Variants in ERC2 observed in about 807,000 individuals in gnomAD.
ERC2 encodes ERC protein 2.
A neutral mutation model predicts 114.8 loss-of-function variants in ERC2; 42 were observed. That is an observed-to-expected ratio of 0.37 (90% CI 0.29 to 0.47). The LOEUF is 0.47. Ranked by LOEUF, ERC2 falls within the 20% of genes least tolerant of loss-of-function variation. ERC2 has a pLI of 0.99. For missense variants in ERC2, 939 were observed against 1,150.7 expected (o/e 0.82, Z 2.66); for synonymous variants, 454 against 425.5 (o/e 1.07, Z -0.82).
chr3:56,085,884 G>A (rs1276779574), intron 6 of ERC2, among the ~76,000 whole-genome samples: 7 of 152,224 alleles, frequency 4.6e-5, no homozygotes, highest in African/African-American at 1.4e-4. Flanking sequence ...CATTTGCCCT[G>A]CATCCTACCT....
chr3:55,661,350 C>T (rs548015664), intron 17 of ERC2, among the ~76,000 whole-genome samples: 21 of 152,280 alleles, frequency 1.4e-4, no homozygotes, highest in African/African-American at 5.1e-4. Flanking sequence ...GTGGGACTTT[C>T]CTGGCTGGCA....
At chr3:56,354,007 G>T (rs1201877126) in intron 2 of ERC2, among the ~76,000 whole-genome samples, 2 of 152,104 alleles carry the variant, frequency 1.3e-5, no homozygotes, top group Non-Finnish European at 1.5e-5. Flanking sequence ...CCCAAAGTCA[G>T]ATAGCTAATA....
chr3:55,672,913 C>T (rs535421547), intron 17 of ERC2, among the ~76,000 whole-genome samples: 12 of 152,222 alleles, frequency 7.9e-5, no homozygotes, highest in South Asian at 2.1e-4. Flanking sequence ...CTCAACAGTC[C>T]GGGCTCCATC....
intron 2 of ERC2, among the ~76,000 whole-genome samples, chr3:56,373,278 C>T (rs1294669642): frequency 1.3e-5 from 2 of 152,126 alleles, no homozygotes; most frequent in East Asian, 3.8e-4. Flanking sequence ...GGCCGATATT[C>T]ACCAAAAAAA....
chr3:55,556,080 G>A (rs1426307111), intron 17 of ERC2, among the ~76,000 whole-genome samples: 1 of 152,112 alleles, frequency 6.6e-6, no homozygotes, highest in Non-Finnish European at 1.5e-5. Context: ...GAGGATGGAA[G>A]CCCTCCCTTG....
chr3:55,572,631 G>T (rs778970648), intron 17 of ERC2, among the ~76,000 whole-genome samples: 2 of 152,204 alleles, frequency 1.3e-5, no homozygotes, highest in Non-Finnish European at 2.9e-5. Flanking sequence ...CCCATTTTCA[G>T]ATGGGAACAC....
intron 14 of ERC2, among the ~76,000 whole-genome samples, chr3:55,822,113 G>A (rs974959765): frequency 1.3e-5 from 2 of 152,060 alleles, no homozygotes; most frequent in Admixed American, 6.5e-5. Flanking sequence ...TCATTAAGTA[G>A]CTGGGCATTT....
intron 15 of ERC2, among the ~76,000 whole-genome samples, chr3:55,700,429 T>A (rs1327394049): frequency 6.6e-6 from 1 of 152,206 alleles, no homozygotes; most frequent in African/African-American, 2.4e-5. Context: ...GAGTAAACTA[T>A]TTATAAACCT....
At chr3:56,031,212 G>A (rs1420237360) in intron 7 of ERC2, among the ~76,000 whole-genome samples, 3 of 152,180 alleles carry the variant, frequency 2.0e-5, no homozygotes, top group African/African-American at 7.2e-5. Context: ...CAAGCTTTTG[G>A]TCTGCACCCA....
At chr3:56,002,426 AC>A (rs2072145542) in intron 10 of ERC2, among the ~76,000 whole-genome samples, 1 of 152,180 alleles carries the variant, frequency 6.6e-6, no homozygotes, top group Non-Finnish European at 1.5e-5. Context: ...AGTTTAAAAA[AC>A]AAACTGCTTC....
Position 56,148,574 on chromosome 3 carries a change from C to T in ERC2, c.1305+403G>A, listed in dbSNP as rs113001686. Among the ~76,000 whole-genome samples, 640 of 152,268 alleles carry T rather than the reference C, an allele frequency of 4.2e-3. 6 individuals are homozygous for T. The highest frequency in any genetic ancestry group is 0.015 in the African/African-American group (619 of 41,556). ...CCTAATAACATTTAAATGAGTTAAA[C>T]TGGCTTGTAATCACAAATATTTTGA... On this transcript the variant is annotated intron_variant, in intron 5 of 17. Coordinates refer to ENST00000288221, the MANE Select transcript of ERC2 (RefSeq NM_015576.3).
At chr3:56,300,280 C>CA (rs200816892) in intron 2 of ERC2, among the ~76,000 whole-genome samples, 2,039 of 93,184 alleles carry the variant, frequency 0.022, 78 homozygotes, top group East Asian at 0.21. Flanking sequence ...TCATGAAATA[C>CA]AAAAAAAAAA....
At chr3:56,235,287 C>T (rs1008407670) in intron 3 of ERC2, among the ~76,000 whole-genome samples, 5 of 152,166 alleles carry the variant, frequency 3.3e-5, no homozygotes, top group Non-Finnish European at 5.9e-5. Flanking sequence ...CCACATGAAG[C>T]TTTCATTTCT....
intron 17 of ERC2, among the ~76,000 whole-genome samples, chr3:55,636,559 G>A (rs1010977561): frequency 1.3e-5 from 2 of 152,200 alleles, no homozygotes; most frequent in African/African-American, 4.8e-5. Context: ...GTGCATCGAT[G>A]ACTGAATCTC....
chr3:55,567,236 A>G (rs1163784081), intron 17 of ERC2, among the ~76,000 whole-genome samples: 1 of 152,144 alleles, frequency 6.6e-6, no homozygotes, highest in Non-Finnish European at 1.5e-5. Context: ...GAGAGTTGTG[A>G]GTTGGAGAAA....
chr3:55,528,504 C>T (rs1455728441), intron 17 of ERC2, among the ~76,000 whole-genome samples: 1 of 152,098 alleles, frequency 6.6e-6, no homozygotes, highest in Non-Finnish European at 1.5e-5. Context: ...GGGCACTGAG[C>T]CAGGGACTGT....
At chr3:56,458,036 C>T (rs542151199) in intron 1 of ERC2, among the ~76,000 whole-genome samples, 12 of 152,292 alleles carry the variant, frequency 7.9e-5, no homozygotes, top group East Asian at 5.8e-4. Context: ...GTCCTCTTGA[C>T]GTGTACACAC....
chr3:55,689,257 AT>A (rs10598916), intron 16 of ERC2, among the ~76,000 whole-genome samples: 9,199 of 151,402 alleles, frequency 0.061, 907 homozygotes, highest in African/African-American at 0.21. Context: ...TGCTTCCTCA[AT>A]TTTTTTTTTT....
intron 4 of ERC2, among the ~76,000 whole-genome samples, chr3:56,165,612 T>C (rs1253396081): frequency 1.3e-5 from 2 of 152,076 alleles, no homozygotes; most frequent in Non-Finnish European, 2.9e-5. Context: ...CTACATTTAG[T>C]TATGTGTTAT....
Sources: allele counts gnomAD v4.1 joint callset (sites outside exome capture counted in the v4.1 genomes callset), GRCh38; gene constraint gnomAD v4.1.1; transcripts MANE v1.5; gene names NCBI Gene and HGNC (gene_info 2026-07-23, HGNC 2026-07-21).